The following LRRC4C variants were observed in gnomAD, a reference collection of about 807,000 sequenced individuals.
LRRC4C encodes the protein leucine-rich repeat-containing protein 4C.
Under a neutral mutation model 33.6 loss-of-function variants are expected in LRRC4C, and 5 were observed. That is an observed-to-expected ratio of 0.15 (90% CI 0.08 to 0.31). The LOEUF (loss-of-function observed/expected upper bound fraction) is 0.31. LRRC4C is among the 10% of genes least tolerant of loss of function. The pLI, the probability that LRRC4C is intolerant of heterozygous loss-of-function variation, is 1.00. For synonymous variants in LRRC4C, 329 were observed against 302.0 expected, an observed-to-expected ratio of 1.09 and a Z score of -0.93; for missense variants, 560 against 796.7, an observed-to-expected ratio of 0.70 and a Z score of 3.58.
chr11:40,289,884 TTCTC>T (rs1247176975), intron 4 of LRRC4C, among the ~76,000 whole-genome samples: 2 of 152,160 alleles, frequency 1.3e-5, no homozygotes, highest in Non-Finnish European at 2.9e-5. Context: ...TTTAAACAGA[TTCTC>T]TCTCTTCACT....
chr11:40,663,672 T>C (rs997931326), intron 2 of LRRC4C, among the ~76,000 whole-genome samples: 17 of 152,084 alleles, frequency 1.1e-4, no homozygotes, highest in African/African-American at 3.1e-4. Flanking sequence ...GGCAAAAGGC[T>C]CTAACAGCAG....
chr11:41,206,684 G>T (rs943227729), intron 1 of LRRC4C, among the ~76,000 whole-genome samples: 3 of 152,174 alleles, frequency 2.0e-5, no homozygotes, highest in African/African-American at 7.2e-5. Flanking sequence ...TCCAAAGCCT[G>T]AGGATCTTAG....
intron 5 of LRRC4C, among the ~76,000 whole-genome samples, chr11:40,203,019 A>G (rs940710306): frequency 6.6e-6 from 1 of 152,190 alleles, no homozygotes; most frequent in Non-Finnish European, 1.5e-5. Flanking sequence ...AATGTCATTT[A>G]AACACTGATT....
chr11:41,274,128 ATAAG>A (rs1432457404), intron 1 of LRRC4C, among the ~76,000 whole-genome samples: 2 of 152,060 alleles, frequency 1.3e-5, no homozygotes, highest in Non-Finnish European at 2.9e-5. Context: ...GTGGCTGGAG[ATAAG>A]TAAGTGAGAG....
At chr11:41,118,944 GT>G (rs576588863) in intron 1 of LRRC4C, among the ~76,000 whole-genome samples, 2 of 150,920 alleles carry the variant, frequency 1.3e-5, no homozygotes, top group Non-Finnish European at 3.0e-5. Flanking sequence ...CTCCTCCTGT[GT>G]TTTTTTTCTC....
chr11:40,735,087 C>G (rs542875451), intron 2 of LRRC4C, among the ~76,000 whole-genome samples: 21 of 152,248 alleles, frequency 1.4e-4, no homozygotes, highest in Non-Finnish European at 2.9e-4. Context: ...TCAGTGACCT[C>G]CCACATTCTC....
At chr11:40,673,145 T>C (rs1274689335) in intron 2 of LRRC4C, among the ~76,000 whole-genome samples, 2 of 152,098 alleles carry the variant, frequency 1.3e-5, no homozygotes, top group African/African-American at 4.8e-5. Flanking sequence ...TGTAGTAAAA[T>C]CATTCAAAAA....
At chr11:40,791,426 G>A (rs1018603046) in intron 2 of LRRC4C, among the ~76,000 whole-genome samples, 1 of 152,108 alleles carries the variant, frequency 6.6e-6, no homozygotes, top group African/African-American at 2.4e-5. Context: ...TAATGAACAA[G>A]GAATAGGGAG....
intron 3 of LRRC4C, among the ~76,000 whole-genome samples, chr11:40,576,815 T>G (rs1423923377): frequency 6.6e-6 from 1 of 152,206 alleles, no homozygotes; most frequent in African/African-American, 2.4e-5. Context: ...AGAGCAGAGG[T>G]CATAGCTTTT....
intron 1 of LRRC4C, among the ~76,000 whole-genome samples, chr11:41,226,421 A>G (rs1947537192): frequency 1.3e-5 from 2 of 152,120 alleles, no homozygotes; most frequent in Admixed American, 1.3e-4. Flanking sequence ...AAAATAACAC[A>G]TTCTTTCTCA....
intron 5 of LRRC4C, among the ~76,000 whole-genome samples, chr11:40,183,032 C>T (rs1305402436): frequency 1.3e-5 from 2 of 152,102 alleles, no homozygotes; most frequent in Non-Finnish European, 2.9e-5. Context: ...GGCTTCATTA[C>T]CTGAGCTATT....
At chr11:40,818,261 A>T (rs2135441416) in intron 2 of LRRC4C, among the ~76,000 whole-genome samples, 1 of 152,208 alleles carries the variant, frequency 6.6e-6, no homozygotes, top group East Asian at 1.9e-4. Flanking sequence ...GACACAAACC[A>T]TTGCACTGTA....
chr11:41,402,730 A>G (rs915097160), intron 1 of LRRC4C, among the ~76,000 whole-genome samples: 4 of 152,042 alleles, frequency 2.6e-5, no homozygotes, highest in African/African-American at 9.7e-5. Flanking sequence ...CTCCAGACAG[A>G]GTAAATACCA....
At chr11:40,987,685 TATATATCTC>T (rs1853164958) in intron 1 of LRRC4C, among the ~76,000 whole-genome samples, 8 of 129,970 alleles carry the variant, frequency 6.2e-5, no homozygotes, top group South Asian at 2.3e-4. Context: ...GATATATATA[TATATATCTC>T]ATATATATGA....
intron 3 of LRRC4C, among the ~76,000 whole-genome samples, chr11:40,537,855 T>C (rs56121946): frequency 4.6e-5 from 7 of 152,236 alleles, no homozygotes; most frequent in Non-Finnish European, 1.0e-4. Flanking sequence ...TGTGTATAGA[T>C]TGGAAAGCTA....
intron 2 of LRRC4C, among the ~76,000 whole-genome samples, chr11:40,690,977 G>T (rs1397272724): frequency 1.3e-5 from 2 of 151,994 alleles, no homozygotes; most frequent in Non-Finnish European, 2.9e-5. Flanking sequence ...AAGCAGGAGG[G>T]TGAATAACAC....
At chr11:40,683,008 G>T (rs1591455042) in intron 2 of LRRC4C, among the ~76,000 whole-genome samples, 1 of 152,142 alleles carries the variant, frequency 6.6e-6, no homozygotes, top group Non-Finnish European at 1.5e-5. Flanking sequence ...GAAGATGGCT[G>T]GATGCAAAAG....
intron 2 of LRRC4C, among the ~76,000 whole-genome samples, chr11:40,716,351 A>G (rs901163083): frequency 2.0e-5 from 3 of 152,128 alleles, no homozygotes; most frequent in Non-Finnish European, 2.9e-5. Flanking sequence ...GTTAAAAAAT[A>G]ATAAATATTT....
intron 2 of LRRC4C, among the ~76,000 whole-genome samples, chr11:40,665,333 T>C (rs1388898004): frequency 2.1e-4 from 2 of 9,386 alleles, no homozygotes; most frequent in African/African-American, 5.6e-4. Flanking sequence ...AAAATATATA[T>C]ATATATATAT....
Sources: gnomAD v4.1 joint callset for allele counts (sites outside exome capture counted in the v4.1 genomes callset) on GRCh38, gnomAD v4.1.1 for gene constraint, MANE v1.5 for transcripts, NCBI Gene and HGNC (gene_info 2026-07-23, HGNC 2026-07-21) for gene names.